TEAD4: variants seen among roughly 807,000 people sequenced by gnomAD.
TEAD4 encodes transcriptional enhancer factor TEF-3.
A neutral mutation model predicts 52.4 loss-of-function variants in TEAD4; 36 were observed. That is an observed-to-expected ratio of 0.69 (90% CI 0.53 to 0.91). The LOEUF (loss-of-function observed/expected upper bound fraction) is 0.91, where lower values mean the gene tolerates loss of function less well. Among genes scored for constraint, TEAD4 ranks in the 40% least tolerant of loss-of-function variants. TEAD4 has a pLI of 0.00. For missense variants in TEAD4, 508 were observed against 583.9 expected, an observed-to-expected ratio of 0.87 and a Z score of 1.34; for synonymous variants, 220 against 231.0, an observed-to-expected ratio of 0.95 and a Z score of 0.43.
chr12:2,967,584 T>C (rs548322154), intron 2 of TEAD4, among the ~76,000 whole-genome samples: 12 of 152,196 alleles, frequency 7.9e-5, no homozygotes, highest in Non-Finnish European at 1.5e-4. Context: ...TATGTAAGTC[T>C]AGAATAGAGT....
chr12:2,996,253 C>T (rs1448090858), intron 3 of TEAD4, among the ~76,000 whole-genome samples: 1 of 152,054 alleles, frequency 6.6e-6, no homozygotes, highest in Non-Finnish European at 1.5e-5. Context: ...ATTCATTTCT[C>T]CCCCACACCC....
At chr12:3,018,965 C>T (rs896443121) in intron 7 of TEAD4, 150 bp from the exon 8 acceptor site, 15 of 923,718 alleles carry the variant, frequency 1.6e-5, no homozygotes, top group African/African-American at 9.8e-5. Flanking sequence ...CCAGGGGAGT[C>T]GGCAGGGGCG....
At chr12:2,964,631 T>C (rs2098218731) in intron 2 of TEAD4, among the ~76,000 whole-genome samples, 1 of 150,480 alleles carries the variant, frequency 6.6e-6, no homozygotes, top group South Asian at 2.1e-4. Flanking sequence ...CTAATTTTTT[T>C]TTTTTTTTTT....
At chr12:3,020,923 C>G in intron 9 of TEAD4, 150 bp downstream of exon 9, 1 of 827,982 alleles carries the variant, frequency 1.2e-6, no homozygotes, top group Non-Finnish European at 1.7e-6. Flanking sequence ...CCCCACTCCT[C>G]CTTTCCTCCT....
At chr12:3,010,639 A>C (rs1206191377) in intron 3 of TEAD4, among the ~76,000 whole-genome samples, 7 of 152,224 alleles carry the variant, frequency 4.6e-5, no homozygotes, top group Non-Finnish European at 8.8e-5. Flanking sequence ...GAGCCTCCCA[A>C]GTGTGAAGAA....
intron 2 of TEAD4, among the ~76,000 whole-genome samples, chr12:2,977,133 A>T (rs2098230383): frequency 6.6e-6 from 1 of 151,982 alleles, no homozygotes; most frequent in Non-Finnish European, 1.5e-5. Flanking sequence ...ATTTGGGGAG[A>T]TTGAGATTGC....
At chr12:3,025,304 C>A (rs1244853816) in intron 10 of TEAD4, among the ~76,000 whole-genome samples, 3 of 152,200 alleles carry the variant, frequency 2.0e-5, no homozygotes, top group African/African-American at 2.4e-5. Context: ...TATATTGATA[C>A]AATTTCCTAG....
intron 2 of TEAD4, among the ~76,000 whole-genome samples, chr12:2,984,313 T>C (rs1419879293): frequency 6.6e-6 from 1 of 152,174 alleles, no homozygotes; most frequent in Non-Finnish European, 1.5e-5. Context: ...TGATCAGGTT[T>C]GCATTTTAGA....
chr12:3,004,946 G>T (rs138002285), intron 3 of TEAD4, among the ~76,000 whole-genome samples: 1,716 of 152,266 alleles, frequency 0.011, 15 homozygotes, highest in Middle Eastern at 0.02. Flanking sequence ...ACTCCCTCAC[G>T]GGGGGTTCTC....
At chr12:2,965,589 T>C (rs181801652) in intron 2 of TEAD4, among the ~76,000 whole-genome samples, 28 of 152,344 alleles carry the variant, frequency 1.8e-4, no homozygotes, top group Admixed American at 7.8e-4. Flanking sequence ...TCTCGCTCTT[T>C]CGCCCAGGCT....
In TEAD4 at chr12:3,029,726, A is replaced by C. The variant is rs1172142782; in HGVS notation, c.897+7709A>C. On this transcript the variant is annotated intron_variant, in intron 10 of 12. Coordinates refer to ENST00000359864, the MANE Select transcript of TEAD4 (RefSeq NM_003213.4). ...TGTCCTTTGATGCACAAACGTTTCT[A>C]GTGTTGATGATGTCCAGTTTATCAA... 2.6e-5 allele frequency among the ~76,000 whole-genome samples: 4 copies of C among 151,880 alleles called. No homozygotes were observed. In the East Asian group the frequency reaches 7.7e-4, roughly 29 times the overall value.
At chr12:3,038,179 C>T in intron 11 of TEAD4, 71 bp downstream of exon 11, 1 of 1,548,402 alleles carries the variant, frequency 6.5e-7, no homozygotes, top group Admixed American at 1.8e-5. Context: ...CTTCCATTTG[C>T]TTTCAGGAGG....
At chr12:3,018,779 A>G (rs2098266456) in intron 7 of TEAD4, among the ~76,000 whole-genome samples, 191 bp downstream of exon 7, 1 of 151,936 alleles carries the variant, frequency 6.6e-6, no homozygotes, top group South Asian at 2.1e-4. Context: ...TGTGATGTCT[A>G]CACCCTAGGG....
At chr12:2,962,642 G>A (rs2098216742) in intron 2 of TEAD4, among the ~76,000 whole-genome samples, 1 of 151,756 alleles carries the variant, frequency 6.6e-6, no homozygotes. Flanking sequence ...GCCGTTTTTT[G>A]TATTTTTAGT....
At chr12:3,002,020 A>G in intron 3 of TEAD4, among the ~76,000 whole-genome samples, 1 of 152,086 alleles carries the variant, frequency 6.6e-6, no homozygotes, top group East Asian at 1.9e-4. Flanking sequence ...TGAACCTGAG[A>G]GGTGGAGGTT....
intron 10 of TEAD4, among the ~76,000 whole-genome samples, chr12:3,033,844 G>A (rs561344796): frequency 6.6e-6 from 1 of 152,126 alleles, no homozygotes; most frequent in Non-Finnish European, 1.5e-5. Flanking sequence ...TGCTCAGTGT[G>A]GGGGGATATG....
chr12:2,991,908 G>A (rs1230230344), intron 2 of TEAD4, among the ~76,000 whole-genome samples: 1 of 151,952 alleles, frequency 6.6e-6, no homozygotes. Context: ...TGGCCTCACT[G>A]CGCGACCTTG....
At chr12:2,978,919 T>C (rs181166597) in intron 2 of TEAD4, among the ~76,000 whole-genome samples, 78 of 152,156 alleles carry the variant, frequency 5.1e-4, no homozygotes, top group Non-Finnish European at 1.2e-4. Context: ...ATGCCTTTTT[T>C]GTTTGTTTGT....
chr12:2,982,460 T>C (rs1368714182), intron 2 of TEAD4, among the ~76,000 whole-genome samples: 1 of 152,130 alleles, frequency 6.6e-6, no homozygotes, highest in African/African-American at 2.4e-5. Flanking sequence ...ATGCCATCTG[T>C]CCCCCGCCTC....
Sources: gnomAD v4.1 joint callset for allele counts (sites outside exome capture counted in the v4.1 genomes callset) on GRCh38, gnomAD v4.1.1 for gene constraint, MANE v1.5 for transcripts, NCBI Gene and HGNC (gene_info 2026-07-23, HGNC 2026-07-21) for gene names.